Variants in ERBB4 observed in about 807,000 individuals in gnomAD.
The protein encoded by ERBB4 is receptor tyrosine-protein kinase erbB-4.
A neutral mutation model predicts 158.0 loss-of-function variants in ERBB4; 42 were observed. The ratio of observed to expected loss-of-function variants is 0.27; its 90% CI spans 0.21 to 0.34. The LOEUF (loss-of-function observed/expected upper bound fraction) is 0.34. ERBB4 is among the 10% of genes least tolerant of loss of function. ERBB4 has a pLI of 1.00. For synonymous variants in ERBB4, 583 were observed against 558.7 expected (o/e 1.04, Z -0.61); for missense variants, 1,333 against 1,624.1 (o/e 0.82, Z 3.08).
At chr2:211,664,983 C>A (rs1270680283) in intron 15 of ERBB4, among the ~76,000 whole-genome samples, 2 of 152,074 alleles carry the variant, frequency 1.3e-5, no homozygotes, top group Non-Finnish European at 2.9e-5. Context: ...AAACACAAAC[C>A]TCAAAAGCAT....
chr2:211,721,090 G>T (rs976349548), intron 7 of ERBB4, among the ~76,000 whole-genome samples: 5 of 152,106 alleles, frequency 3.3e-5, no homozygotes, highest in Non-Finnish European at 7.4e-5. Context: ...CAGTCGAAAG[G>T]GGCTGAGAGT....
intron 1 of ERBB4, among the ~76,000 whole-genome samples, chr2:212,316,810 C>G (rs1373354679): frequency 6.6e-6 from 1 of 151,496 alleles, no homozygotes. Flanking sequence ...GACATGTACA[C>G]TCTAAACAGG....
intron 2 of ERBB4, among the ~76,000 whole-genome samples, chr2:211,955,729 C>T (rs550239450): frequency 5.4e-4 from 82 of 152,204 alleles, no homozygotes; most frequent in African/African-American, 1.8e-3. Flanking sequence ...ACAAATGCCA[C>T]GCTGTAACAA....
intron 16 of ERBB4, among the ~76,000 whole-genome samples, chr2:211,631,374 A>G (rs976634292): frequency 6.6e-6 from 1 of 152,168 alleles, no homozygotes; most frequent in Admixed American, 6.6e-5. Flanking sequence ...AGAAAGATAA[A>G]GAATTGGTTC....
intron 20 of ERBB4, among the ~76,000 whole-genome samples, chr2:211,470,906 C>A (rs1335281841): frequency 6.6e-6 from 1 of 152,220 alleles, no homozygotes; most frequent in African/African-American, 2.4e-5. Flanking sequence ...GGAGGTAGAG[C>A]AGCATCTATT....
chr2:212,114,994 G>C (rs1033177855), intron 2 of ERBB4, among the ~76,000 whole-genome samples: 1 of 152,084 alleles, frequency 6.6e-6, no homozygotes, highest in African/African-American at 2.4e-5. Flanking sequence ...TTTATTTTTG[G>C]AAAGAGTAGC....
chr2:212,455,808 G>C (rs1296052077), intron 1 of ERBB4, among the ~76,000 whole-genome samples: 2 of 152,016 alleles, frequency 1.3e-5, no homozygotes, highest in Non-Finnish European at 2.9e-5. Context: ...AATAAAATAA[G>C]TATGAAAAAA....
chr2:212,414,820 T>C (rs911056633), intron 1 of ERBB4, among the ~76,000 whole-genome samples: 11 of 152,188 alleles, frequency 7.2e-5, no homozygotes, highest in Admixed American at 7.2e-4. Flanking sequence ...ACTCACAGTC[T>C]GTGACCAGAC....
intron 18 of ERBB4, among the ~76,000 whole-genome samples, 183 bp from the exon 19 acceptor site, chr2:211,619,458 C>A (rs2069512968): frequency 6.6e-6 from 1 of 152,092 alleles, no homozygotes; most frequent in Non-Finnish European, 1.5e-5. Flanking sequence ...TGCTCATATA[C>A]ATGATTACAT....
chr2:212,220,485 T>C lies in ERBB4; in HGVS notation c.83-95582A>G, dbSNP rs566525573. Among the ~76,000 whole-genome samples, 4 of 151,534 alleles carry C rather than the reference T, an allele frequency of 2.6e-5. No individual in the cohort carries two copies. In the East Asian group the frequency reaches 7.7e-4, roughly 29 times the overall value. On this transcript the variant is annotated intron_variant, in intron 1 of 27. Transcript: ENST00000342788. ...TTCCCAGCCTAAGAGTTAATTCTGA[T>C]GATTTTAGCAGAAGGGAATGAATAG...
intron 3 of ERBB4, among the ~76,000 whole-genome samples, chr2:211,839,048 G>T (rs1251132288): frequency 6.6e-6 from 1 of 151,846 alleles, no homozygotes; most frequent in Non-Finnish European, 1.5e-5. Context: ...CCACCTCTTT[G>T]CATGGAGTTA....
At chr2:212,318,733 T>C (rs1413075962) in intron 1 of ERBB4, among the ~76,000 whole-genome samples, 1 of 151,614 alleles carries the variant, frequency 6.6e-6, no homozygotes, top group Non-Finnish European at 1.5e-5. Context: ...AACAGGTAAA[T>C]CTACTGAACA....
At chr2:211,482,877 C>T (rs1027219851) in intron 20 of ERBB4, among the ~76,000 whole-genome samples, 6 of 152,080 alleles carry the variant, frequency 3.9e-5, no homozygotes, top group Non-Finnish European at 5.9e-5. Context: ...TGCACTCCAG[C>T]TTGGGCAACA....
chr2:211,580,689 T>C (rs1034475233), intron 19 of ERBB4, among the ~76,000 whole-genome samples: 2 of 148,734 alleles, frequency 1.3e-5, no homozygotes. Context: ...ATGAAAAAGA[T>C]ACCTGCACAT....
In ERBB4 at chr2:211,973,411, C is replaced by A. The variant is rs1295746586; in HGVS notation, c.235-25795G>T. Among the ~76,000 whole-genome samples, 7 of 152,186 alleles carry A rather than the reference C, an allele frequency of 4.6e-5. No individual in the cohort carries two copies. In the East Asian group the frequency reaches 1.2e-3, roughly 25 times the overall value. On this transcript the variant is annotated intron_variant, in intron 2 of 27. Transcript: ENST00000342788. ...AGAGACGGGGTTTCACCATGTTAGT[C>A]AGGATGGTCTCATTCTCCTGACTTC...
chr2:211,558,888 C>T (rs16846427), intron 20 of ERBB4, among the ~76,000 whole-genome samples: 1,752 of 152,068 alleles, frequency 0.012, 31 homozygotes, highest in South Asian at 0.045. Flanking sequence ...TTTTAGATTC[C>T]GGGAATAAAT....
intron 1 of ERBB4, among the ~76,000 whole-genome samples, chr2:212,178,417 C>T (rs1050822648): frequency 6.6e-6 from 1 of 151,622 alleles, no homozygotes; most frequent in Non-Finnish European, 1.5e-5. Flanking sequence ...GAGAGATTTA[C>T]AAGATACTGA....
intron 3 of ERBB4, among the ~76,000 whole-genome samples, chr2:211,868,151 G>T (rs1367950604): frequency 6.6e-6 from 1 of 152,128 alleles, no homozygotes; most frequent in East Asian, 1.9e-4. Context: ...GAAAAAACCT[G>T]GTATGTATAG....
intron 1 of ERBB4, among the ~76,000 whole-genome samples, chr2:212,452,700 CA>C (rs1688057931): frequency 6.6e-6 from 1 of 152,034 alleles, no homozygotes; most frequent in Non-Finnish European, 1.5e-5. Flanking sequence ...CTGCATCTTA[CA>C]ATTTGCTTAC....
Sources: allele counts gnomAD v4.1 joint callset (sites outside exome capture counted in the v4.1 genomes callset), GRCh38; gene constraint gnomAD v4.1.1; transcripts MANE v1.5; gene names NCBI Gene and HGNC (gene_info 2026-07-23, HGNC 2026-07-21).